SHCBP1L: variants seen among roughly 807,000 people sequenced by gnomAD.
The protein encoded by SHCBP1L is SHC binding and spindle associated 1 like.
A neutral mutation model predicts 62.5 loss-of-function variants in SHCBP1L; 67 were observed. The observed-to-expected ratio is 1.07, with a 90% CI of 0.88 to 1.31. The LOEUF (loss-of-function observed/expected upper bound fraction) is 1.31, where lower values mean the gene tolerates loss of function less well. Ranked by LOEUF, SHCBP1L falls within the 40% of genes most tolerant of loss-of-function variation. The pLI is 0.00. For synonymous variants in SHCBP1L, 284 were observed against 289.4 expected, an observed-to-expected ratio of 0.98 and a Z score of 0.19; for missense variants, 823 against 809.8, an observed-to-expected ratio of 1.02 and a Z score of -0.20.
chr1:182,900,152 A>T lies in SHCBP1L; in HGVS notation c.1793T>A (p.Met598Lys). The part of the protein sequence containing the change: ...KGYGVSILQP[M>K]EQFFIVAEEA... The stretch of plus-strand genomic sequence containing the variant: ...TTCTGCTACGATAAAAAACTGTTCC[A>T]TTGGTTGAAGAATGCTTACTCCATA... Residue 598 changes from methionine to lysine, a missense_variant, in exon 10 of 10, where the codon ATG becomes AAG. Coordinates refer to ENST00000367547, the MANE Select transcript of SHCBP1L (RefSeq NM_030933.4). 25 of 1,612,458 alleles carry T rather than the reference A, an allele frequency of 1.6e-5. No homozygotes were observed. The highest frequency in any genetic ancestry group is 2.0e-5 in the Non-Finnish European group (23 of 1,179,158).
chr1:182,902,452 T>C (rs1649875867), intron 9 of SHCBP1L, among the ~76,000 whole-genome samples: 1 of 152,156 alleles, frequency 6.6e-6, no homozygotes, highest in African/African-American at 2.4e-5. Context: ...CCTTAGATAA[T>C]TTGTAATCTA....
intron 1 of SHCBP1L, chr1:182,952,442 C>G: frequency 2.6e-6 from 1 of 385,050 alleles, no homozygotes; most frequent in South Asian, 6.2e-5. Flanking sequence ...AATGATAAGG[C>G]CAATATATCT....
intron 6 of SHCBP1L, among the ~76,000 whole-genome samples, chr1:182,924,962 GAAAGAAAGAAAGA>G (rs1218948090): frequency 4.7e-5 from 5 of 107,490 alleles, no homozygotes; most frequent in African/African-American, 1.9e-4. Context: ...AAGAAAGAAA[GAAAGAAAGAAAGA>G]AAAAAAAAGG....
At chr1:182,940,647 AT>A in intron 2 of SHCBP1L, 104 bp from the exon 3 acceptor site, 1 of 862,476 alleles carries the variant, frequency 1.2e-6, no homozygotes, top group Non-Finnish European at 1.7e-6. Flanking sequence ...CTTCTTTTAA[AT>A]TTATGACTTC....
intron 5 of SHCBP1L, among the ~76,000 whole-genome samples, chr1:182,934,231 G>T (rs1202220929): frequency 6.6e-6 from 1 of 152,024 alleles, no homozygotes; most frequent in Non-Finnish European, 1.5e-5. Context: ...GAGTCCTATG[G>T]TTAAACTATG....
chr1:182,942,313 T>G, intron 2 of SHCBP1L: 3 of 879,468 alleles, frequency 3.4e-6, no homozygotes, highest in Admixed American at 3.4e-5. Context: ...CTTCCACTGT[T>G]GCAGGAGGCT....
At chr1:182,915,640 T>C (rs1195771681) in intron 6 of SHCBP1L, among the ~76,000 whole-genome samples, 1 of 152,108 alleles carries the variant, frequency 6.6e-6, no homozygotes, top group Non-Finnish European at 1.5e-5. Context: ...GGATATGCAT[T>C]CTTCTGGAAT....
At chr1:182,936,866 T>C (rs939074083) in intron 5 of SHCBP1L, among the ~76,000 whole-genome samples, 6 of 151,830 alleles carry the variant, frequency 4.0e-5, no homozygotes, top group Admixed American at 3.9e-4. Context: ...AAGGGCAATA[T>C]AGTGAGACCC....
intron 2 of SHCBP1L, among the ~76,000 whole-genome samples, chr1:182,945,226 A>C (rs1447705366): frequency 1.3e-5 from 2 of 152,058 alleles, no homozygotes; most frequent in African/African-American, 4.8e-5. Context: ...GGCCTCCCAA[A>C]GTGCTGGTAT....
intron 7 of SHCBP1L, 99 bp from the exon 8 acceptor site, chr1:182,904,529 G>A (rs1649945146): frequency 1.8e-6 from 2 of 1,092,510 alleles, no homozygotes; most frequent in Admixed American, 2.3e-5. Context: ...GTTTTTCCCT[G>A]TGTGCGTGTG....
At chr1:182,942,607 T>TA (rs1444287838) in intron 2 of SHCBP1L, among the ~76,000 whole-genome samples, 1 of 152,232 alleles carries the variant, frequency 6.6e-6, no homozygotes, top group African/African-American at 2.4e-5. Context: ...AGTATAGTGA[T>TA]ACTTCCCTGC....
chr1:182,952,116 C>CT (rs1175048486), intron 1 of SHCBP1L: 1 of 131,470 alleles, frequency 7.6e-6, no homozygotes, highest in Non-Finnish European at 1.6e-5. Context: ...GATTGCCCCA[C>CT]TGCATTCCGG....
In SHCBP1L at chr1:182,917,852, T is replaced by A. The variant is rs550136531; in HGVS notation, c.1182+11795A>T. On this transcript the variant is annotated intron_variant, in intron 6 of 9. Coordinates refer to ENST00000367547, the MANE Select transcript of SHCBP1L (RefSeq NM_030933.4). ...GGGTACTGGGGTAAGGACTTCAATA[T>A]ATGAATTTTGGAGGGACGCAATTCT... Among the ~76,000 whole-genome samples the A allele has an allele frequency of 3.4e-4, 51 of 152,168 alleles. 1 individual carries two copies. In the South Asian group the frequency reaches 0.01, roughly 31 times the overall value.
intron 5 of SHCBP1L, among the ~76,000 whole-genome samples, chr1:182,930,958 T>C (rs974743775): frequency 2.0e-5 from 3 of 147,678 alleles, no homozygotes; most frequent in South Asian, 2.2e-4. Context: ...ACTCCTGGCC[T>C]CAAGCAGTCC....
At chr1:182,901,438 C>T (rs1649832590) in intron 9 of SHCBP1L, among the ~76,000 whole-genome samples, 1 of 151,988 alleles carries the variant, frequency 6.6e-6, no homozygotes, top group South Asian at 2.1e-4. Context: ...GCCTGGGCAA[C>T]AAGAGCAAAA....
chr1:182,930,653 ATGTGTGTGTGTGTGTG>A (rs1182783771), intron 5 of SHCBP1L, among the ~76,000 whole-genome samples: 652 of 24,664 alleles, frequency 0.026, 53 homozygotes, highest in African/African-American at 0.076. Flanking sequence ...CCTGGAGTAT[ATGTGTGTGTGTGTGTG>A]TGTGTGTGTG....
intron 6 of SHCBP1L, among the ~76,000 whole-genome samples, chr1:182,917,625 T>C (rs141187509): frequency 6.6e-6 from 1 of 152,334 alleles, no homozygotes; most frequent in East Asian, 1.9e-4. Flanking sequence ...TGAGCCTCTC[T>C]CAGCTTGCAG....
chr1:182,921,858 A>G (rs1196984018), intron 6 of SHCBP1L, among the ~76,000 whole-genome samples: 1 of 152,218 alleles, frequency 6.6e-6, no homozygotes, highest in African/African-American at 2.4e-5. Flanking sequence ...ACTGCACTCC[A>G]GCCTAGGCGA....
chr1:182,940,242 T>G (rs907682690), intron 3 of SHCBP1L, 87 bp downstream of exon 3: 3 of 1,072,936 alleles, frequency 2.8e-6, no homozygotes, highest in Non-Finnish European at 4.1e-6. Context: ...AATCAGTAAG[T>G]GCTTGTAAAG....
Sources: allele counts gnomAD v4.1 joint callset (sites outside exome capture counted in the v4.1 genomes callset), GRCh38; gene constraint gnomAD v4.1.1; transcripts MANE v1.5; gene names NCBI Gene and HGNC (gene_info 2026-07-23, HGNC 2026-07-21).